SLC10A1: variants seen among roughly 807,000 people sequenced by gnomAD.
The protein encoded by SLC10A1 is solute carrier family 10 member 1, also known as hepatic sodium/bile acid cotransporter.
Under a neutral mutation model 20.5 loss-of-function variants are expected in SLC10A1, and 36 were observed. That is an observed-to-expected ratio of 1.75 (90% CI 1.34 to 2.32). The LOEUF is 2.32. Ranked by LOEUF, SLC10A1 falls within the 30% of genes most tolerant of loss-of-function variation. SLC10A1 has a pLI of 0.00. For missense variants in SLC10A1, 545 were observed against 439.1 expected, an observed-to-expected ratio of 1.24 and a Z score of -2.16; for synonymous variants, 188 against 163.6, an observed-to-expected ratio of 1.15 and a Z score of -1.14.
chr14:69,781,802 CT>C (rs1447506847), intron 2 of SLC10A1, among the ~76,000 whole-genome samples: 3 of 152,202 alleles, frequency 2.0e-5, no homozygotes, highest in Non-Finnish European at 4.4e-5. Context: ...CTTGAATTGC[CT>C]TTTAAAATGA....
In SLC10A1 at chr14:69,776,244, T is replaced by G; in HGVS notation, c.*38A>C. On this transcript the variant is annotated 3_prime_UTR_variant, in exon 5 of 5. Coordinates refer to ENST00000216540, the MANE Select transcript of SLC10A1 (RefSeq NM_003049.4). ...TAGTTTACCACACTGGCTTTCAGAA[T>G]TGCTTTGGGACCAGAATCCAGGCCA... 6.7e-7 allele frequency: 1 copy of G among 1,503,664 alleles called. No homozygotes were observed. The allele number at this position is 1,503,664 out of a possible 1,614,324, so 93.1% of individuals were successfully genotyped here.
intron 4 of SLC10A1, among the ~76,000 whole-genome samples, chr14:69,776,790 A>G (rs1271542069): frequency 6.6e-6 from 1 of 152,100 alleles, no homozygotes; most frequent in East Asian, 1.9e-4. Context: ...CAATTGATCT[A>G]CCTCTTCTTG....
chr14:69,788,047 G>T (rs1022299196), intron 1 of SLC10A1, among the ~76,000 whole-genome samples: 2 of 151,994 alleles, frequency 1.3e-5, no homozygotes, highest in Non-Finnish European at 1.5e-5. Flanking sequence ...GGTGCCCACG[G>T]ACAAGAAACA....
chr14:69,778,753 G>A (rs548203155), intron 3 of SLC10A1, among the ~76,000 whole-genome samples: 1 of 152,096 alleles, frequency 6.6e-6, no homozygotes, highest in Non-Finnish European at 1.5e-5. Context: ...TGTCCAGTTA[G>A]TGCATCTGAA....
chr14:69,775,618 ATG>A lies in SLC10A1; in HGVS notation c.*662_*663del, dbSNP rs1883428760. On this transcript the variant is annotated 3_prime_UTR_variant, in exon 5 of 5. Transcript: ENST00000216540. Reference sequence around the variant, plus strand: ...TAGTGAGGTAACATTGTGTTAATGTATGTGTTTGTTTCCTGGTTTTTCCTTGT... The same window carrying A: ...TAGTGAGGTAACATTGTGTTAATGTATGTTTGTTTCCTGGTTTTTCCTTGT... The A allele has an allele frequency of 6.6e-6, 1 of 152,228 alleles. No individual in the cohort carries two copies. Among genetic ancestry groups the A allele is most frequent in the Non-Finnish European group, 1.5e-5 (1 of 68,048 alleles). 9.4% of individuals were successfully genotyped at this position (152,228 alleles called of 1,614,324 possible).
chr14:69,777,594 TTTTTTTTTTTTAAAA>T (rs1274034624), intron 4 of SLC10A1, among the ~76,000 whole-genome samples: 6 of 99,360 alleles, frequency 6.0e-5, no homozygotes, highest in Admixed American at 4.8e-4. Flanking sequence ...TTTTTTTTTT[TTTTTTTTTTTTAAAA>T]TTGGTGTTAA....
chr14:69,778,393 C>G lies in SLC10A1; in HGVS notation c.883G>C (p.Gly295Arg), dbSNP rs748761023. ...ATGGCAATGAGGAGAAGCCCTTCTCCAAGCTGGAAAATCATGTAGAGGAGG... is the reference window on the plus strand; with the variant it reads ...ATGGCAATGAGGAGAAGCCCTTCTCGAAGCTGGAAAATCATGTAGAGGAGG... ...FPLLYMIFQLGEGLLLIAIFW... is the reference protein window; with the variant it reads ...FPLLYMIFQLREGLLLIAIFW... The change falls in exon 4 of 5, where the codon GGA becomes CGA. Residue 295 changes from glycine (G) to arginine (R), a missense_variant. Coordinates refer to ENST00000216540, the MANE Select transcript of SLC10A1 (RefSeq NM_003049.4). The G allele has an allele frequency of 1.2e-6, 2 of 1,613,838 alleles. No homozygotes were observed. The highest frequency in any genetic ancestry group is 2.2e-5 in the South Asian group (2 of 91,050).
intron 2 of SLC10A1, among the ~76,000 whole-genome samples, chr14:69,780,171 A>G (rs1424404148): frequency 1.3e-5 from 2 of 152,250 alleles, no homozygotes; most frequent in African/African-American, 4.8e-5. Context: ...ATCTTGGGTG[A>G]TAACAACATC....
At chr14:69,780,221 G>C (rs1190755029) in intron 2 of SLC10A1, among the ~76,000 whole-genome samples, 1 of 152,102 alleles carries the variant, frequency 6.6e-6, no homozygotes, top group Admixed American at 6.5e-5. Flanking sequence ...GAAATTATAG[G>C]GTTTTTCATT....
chr14:69,782,286 G>T (rs1382809908), intron 2 of SLC10A1, among the ~76,000 whole-genome samples: 1 of 152,172 alleles, frequency 6.6e-6, no homozygotes, highest in African/African-American at 2.4e-5. Context: ...ACTAGTCTCT[G>T]TTTTTCCAGC....
rs1036201944 is a variant in SLC10A1 at position 69,779,286 on chromosome 14, G to A, written c.642C>T (p.Ile214=). 1.2e-6 allele frequency: 2 copies of A among 1,613,826 alleles called. No individual in the cohort carries two copies. The highest frequency in any genetic ancestry group is 2.7e-5 in the African/African-American group (2 of 74,868). ...TCAAGAGTGGTGTCATGGCAAACAT[G>A]ATGCTCTTCCCCACATTGATGGCAG... ...VLSAINVGKS[I]MFAMTPLLIA... Residue 214 remains isoleucine (I), a synonymous_variant, in exon 3 of 5, where the codon ATC becomes ATT. Transcript: ENST00000216540.
intron 1 of SLC10A1, among the ~76,000 whole-genome samples, chr14:69,790,482 G>C (rs1281291788): frequency 2.6e-5 from 4 of 151,918 alleles, no homozygotes; most frequent in African/African-American, 7.2e-5. Context: ...CAATGAACAA[G>C]ATGAGTAAGA....
At position 69,791,064 on chromosome 14, in the gene SLC10A1, G is replaced by T. The variant is rs149670838; in HGVS notation, c.357-4757C>A. Among the ~76,000 whole-genome samples, 681 of 151,992 alleles carry T rather than the reference G, an allele frequency of 4.5e-3. 5 individuals are homozygous for T. Among genetic ancestry groups the T allele is most frequent in the African/African-American group, 0.015 (639 of 41,470 alleles). On this transcript the variant is annotated intron_variant, in intron 1 of 4. Coordinates refer to ENST00000216540, the MANE Select transcript of SLC10A1 (RefSeq NM_003049.4). ...ACTTATACATCTAAAGGACATGTAA[G>T]ATCTTTATGAAAGAAATTACAAACC...
chr14:69,782,810 A>G (rs74915834), intron 2 of SLC10A1, among the ~76,000 whole-genome samples: 37 of 85,008 alleles, frequency 4.4e-4, no homozygotes, highest in Admixed American at 7.6e-4. Flanking sequence ...TCCGTCTCGA[A>G]AAAAAAAAAA....
intron 2 of SLC10A1, among the ~76,000 whole-genome samples, chr14:69,780,716 G>C (rs570149179): frequency 6.6e-6 from 1 of 152,280 alleles, no homozygotes; most frequent in African/African-American, 2.4e-5. Flanking sequence ...AGCATAGGAA[G>C]GACTTTCACA....
intron 1 of SLC10A1, among the ~76,000 whole-genome samples, chr14:69,786,899 G>A (rs1341295869): frequency 6.6e-6 from 1 of 152,220 alleles, no homozygotes; most frequent in Non-Finnish European, 1.5e-5. Context: ...TTGGGGATGG[G>A]TGGCATGGGA....
chr14:69,785,115 G>A (rs1487537512), intron 2 of SLC10A1, among the ~76,000 whole-genome samples: 1 of 152,046 alleles, frequency 6.6e-6, no homozygotes, highest in Non-Finnish European at 1.5e-5. Flanking sequence ...CCTTCCTGAG[G>A]ACCAGGATGA....
intron 2 of SLC10A1, among the ~76,000 whole-genome samples, chr14:69,780,608 A>C (rs1344553300): frequency 6.6e-6 from 1 of 152,222 alleles, no homozygotes; most frequent in African/African-American, 2.4e-5. Flanking sequence ...ATATTGCTCA[A>C]ATTTCAGCTG....
intron 1 of SLC10A1, 130 bp downstream of exon 1, chr14:69,796,670 C>T (rs1244045780): frequency 1.3e-6 from 1 of 760,758 alleles, no homozygotes; most frequent in Admixed American, 2.8e-5. Context: ...TGCCAGACTT[C>T]CCCTGCCCTA....
Sources: allele counts gnomAD v4.1 joint callset (sites outside exome capture counted in the v4.1 genomes callset), GRCh38; gene constraint gnomAD v4.1.1; transcripts MANE v1.5; gene names NCBI Gene and HGNC (gene_info 2026-07-23, HGNC 2026-07-21).